The following ABTB2 variants were observed in gnomAD, a reference collection of about 807,000 sequenced individuals.
ABTB2 encodes ankyrin repeat and BTB domain containing 2.
A neutral mutation model predicts 104.1 loss-of-function variants in ABTB2; 56 were observed. The observed-to-expected ratio is 0.54, with a 90% CI of 0.43 to 0.67. The LOEUF is 0.67. ABTB2 is among the 30% of genes least tolerant of loss of function. The probability of loss-of-function intolerance (pLI) is 0.00; values close to 1 mark genes in which losing one functional copy is unlikely to be tolerated. For synonymous variants in ABTB2, 606 were observed against 608.2 expected (o/e 1.00, Z 0.05); for missense variants, 1,279 against 1,407.7 (o/e 0.91, Z 1.46).
At chr11:34,159,707 G>A (rs1186968155) in intron 13 of ABTB2, among the ~76,000 whole-genome samples, 199 bp downstream of exon 13, 4 of 152,194 alleles carry the variant, frequency 2.6e-5, no homozygotes, top group African/African-American at 4.8e-5. Context: ...CCACCTCAGA[G>A]CCCCCCTTTC....
At chr11:34,343,858 G>A (rs1855296386) in intron 1 of ABTB2, among the ~76,000 whole-genome samples, 1 of 152,088 alleles carries the variant, frequency 6.6e-6, no homozygotes, top group Non-Finnish European at 1.5e-5. Context: ...TATCAGCTAG[G>A]AACTATGGCA....
intron 1 of ABTB2, among the ~76,000 whole-genome samples, chr11:34,338,924 C>A: frequency 6.6e-6 from 1 of 152,148 alleles, no homozygotes; most frequent in Admixed American, 6.5e-5. Flanking sequence ...CAAGAGCACT[C>A]CCTAAAGCCC....
At position 34,357,028 on chromosome 11, in the gene ABTB2, T is replaced by C; in HGVS notation, c.556A>G (p.Ser186Gly). The change falls in exon 1 of 17, where the codon AGC becomes GGC. Residue 186 changes from serine to glycine, a missense_variant. Physicochemically the swap from Ser to Gly is moderately conservative, Grantham distance 56. Coordinates refer to ENST00000435224, the MANE Select transcript of ABTB2 (RefSeq NM_145804.3). Reference sequence around the variant, plus strand: ...CGCAGCCCGTCGCCGGCGCTCATGCTGTACAGGGACAGCGCCTTGACGGCT... The same window carrying C: ...CGCAGCCCGTCGCCGGCGCTCATGCCGTACAGGGACAGCGCCTTGACGGCT... ...LAAVKALSLY[S>G]MSAGDGLRRG... is the part of the protein sequence containing the mutation. The C allele has an allele frequency of 1.9e-6, 3 of 1,555,186 alleles. No homozygotes were observed. Among genetic ancestry groups the C allele is most frequent in the Non-Finnish European group, 2.6e-6 (3 of 1,153,540 alleles).
chr11:34,313,809 C>CT (rs1193396153), intron 1 of ABTB2, among the ~76,000 whole-genome samples: 1 of 151,500 alleles, frequency 6.6e-6, no homozygotes, highest in Non-Finnish European at 1.5e-5. Flanking sequence ...CACACACTCA[C>CT]TATGTCCAAC....
In ABTB2 at chr11:34,357,290, G is replaced by A; in HGVS notation, c.294C>T (p.Pro98=). 1 of 1,510,282 alleles carries A rather than the reference G, an allele frequency of 6.6e-7. No individual in the cohort carries two copies. The highest frequency in any genetic ancestry group is 8.9e-7 in the Non-Finnish European group (1 of 1,126,914). The allele number at this position is 1,510,282 out of a possible 1,614,324, so 93.6% of individuals were successfully genotyped here. A position where few individuals can be genotyped will look rare whatever the true frequency, so the allele number is the denominator to read the frequency against. The change falls in exon 1 of 17, where the codon CCC becomes CCT. Residue 98 remains proline (P), a synonymous_variant. Coordinates refer to ENST00000435224, the MANE Select transcript of ABTB2 (RefSeq NM_145804.3). ...CPRLPELEEF[P]WTEGDVARVL... ...CCCGGGCCACGTCTCCTTCGGTCCA[G>A]GGGAACTCCTCCAGCTCGGGGAGCC...
At chr11:34,278,519 G>A (rs1319936903) in intron 1 of ABTB2, among the ~76,000 whole-genome samples, 2 of 152,156 alleles carry the variant, frequency 1.3e-5, no homozygotes, top group African/African-American at 2.4e-5. Context: ...TTGACCCTAA[G>A]TCCTCTGGTT....
At chr11:34,272,733 C>CAAAAAAAAAAA (rs1323130706) in intron 1 of ABTB2, among the ~76,000 whole-genome samples, 2 of 127,650 alleles carry the variant, frequency 1.6e-5, no homozygotes, top group African/African-American at 6.0e-5. Context: ...AAAAAAAAAC[C>CAAAAAAAAAAA]AACCAACCAT....
intron 1 of ABTB2, among the ~76,000 whole-genome samples, chr11:34,293,168 A>C (rs2095919128): frequency 6.6e-6 from 1 of 152,090 alleles, no homozygotes; most frequent in Non-Finnish European, 1.5e-5. Context: ...AGAATCGAGG[A>C]TAGCTGCTAG....
chr11:34,273,370 G>T (rs780054097), intron 1 of ABTB2, among the ~76,000 whole-genome samples: 1 of 152,186 alleles, frequency 6.6e-6, no homozygotes. Flanking sequence ...GCAAGGCCCG[G>T]GGTCTCTCTG....
At chr11:34,349,080 C>T (rs188680572) in intron 1 of ABTB2, among the ~76,000 whole-genome samples, 3 of 152,290 alleles carry the variant, frequency 2.0e-5, no homozygotes, top group Admixed American at 2.0e-4. Flanking sequence ...AAGCACACAA[C>T]CAAAGCTGCA....
At chr11:34,168,642 T>C (rs73505491) in intron 5 of ABTB2, among the ~76,000 whole-genome samples, 1 of 152,018 alleles carries the variant, frequency 6.6e-6, no homozygotes, top group Non-Finnish European at 1.5e-5. Flanking sequence ...TAGCGAGAGG[T>C]TGAACTCGGG....
At chr11:34,192,664 A>G (rs1590212415) in intron 3 of ABTB2, among the ~76,000 whole-genome samples, 1 of 152,342 alleles carries the variant, frequency 6.6e-6, no homozygotes, top group East Asian at 1.9e-4. Flanking sequence ...AGGCTTAGCA[A>G]GCGGACCGCT....
intron 1 of ABTB2, among the ~76,000 whole-genome samples, chr11:34,341,274 T>C (rs532827078): frequency 6.6e-6 from 1 of 152,324 alleles, no homozygotes; most frequent in Non-Finnish European, 1.5e-5. Context: ...CCACGCAGCT[T>C]GGAAATGATA....
Position 34,154,328 on chromosome 11 carries a change from G to T in ABTB2, c.2817C>A (p.Cys939Ter), listed in dbSNP as rs369095020. ...LFQLDALQRH[C>*]EILCSQTLSM... The stretch of plus-strand genomic sequence containing the variant: ...TGAGGGTCTGGGAGCACAGGATCTC[G>T]CAGTGCCTCTGCAGGGCATCCAGCT... Residue 939 changes from cysteine (C) to a stop codon, truncating the protein, a stop_gained, in exon 16 of 17, where the codon TGC becomes TGA. Coordinates refer to ENST00000435224, the MANE Select transcript of ABTB2 (RefSeq NM_145804.3). LOFTEE classifies it high-confidence loss of function. This position sits in a 1 kb window ranked among gnomAD's most constrained non-coding sequence, Gnocchi z 4.9. 6.2e-7 allele frequency: 1 copy of T among 1,613,996 alleles called. No individual in the cohort carries two copies.
At chr11:34,176,301 A>AG (rs1177563058) in intron 3 of ABTB2, among the ~76,000 whole-genome samples, 1 of 151,558 alleles carries the variant, frequency 6.6e-6, no homozygotes, top group African/African-American at 2.4e-5. Context: ...AAAAAAAAAA[A>AG]AGAGAAAGAA....
At chr11:34,315,791 C>A (rs1590253349) in intron 1 of ABTB2, among the ~76,000 whole-genome samples, 1 of 152,184 alleles carries the variant, frequency 6.6e-6, no homozygotes, top group Non-Finnish European at 1.5e-5. Context: ...AGCCACCCCC[C>A]AGGTTTCCAG....
intron 3 of ABTB2, among the ~76,000 whole-genome samples, chr11:34,191,492 T>C (rs1313065552): frequency 1.3e-5 from 2 of 152,192 alleles, no homozygotes; most frequent in East Asian, 1.9e-4. Flanking sequence ...AAGAGCTCTA[T>C]GTGAGTTGGA....
At chr11:34,346,472 C>T (rs1004933694) in intron 1 of ABTB2, among the ~76,000 whole-genome samples, 1 of 152,130 alleles carries the variant, frequency 6.6e-6, no homozygotes, top group Non-Finnish European at 1.5e-5. Context: ...GAAAGGGGCA[C>T]AGGAAAACCC....
chr11:34,340,463 TTAGCTATATGATC>T (rs1855249807), intron 1 of ABTB2, among the ~76,000 whole-genome samples: 1 of 152,190 alleles, frequency 6.6e-6, no homozygotes, highest in Non-Finnish European at 1.5e-5. Context: ...AGTTAAATAA[TTAGCTATATGATC>T]TAGCCAAGTG....
Sources: allele counts gnomAD v4.1 joint callset (sites outside exome capture counted in the v4.1 genomes callset), GRCh38; gene constraint gnomAD v4.1.1; non-coding constraint Gnocchi (gnomAD v3.1); transcripts MANE v1.5; gene names NCBI Gene and HGNC (gene_info 2026-07-23, HGNC 2026-07-21).